The following IL7 variants were observed in gnomAD, a reference collection of about 807,000 sequenced individuals.
IL7 encodes the protein interleukin-7.
Under a neutral mutation model 21.6 loss-of-function variants are expected in IL7, and 3 were observed. The observed-to-expected ratio is 0.14, with a 90% CI of 0.06 to 0.36. IL7 has a LOEUF of 0.36. Ranked by LOEUF, IL7 falls within the 10% of genes least tolerant of loss-of-function variation. IL7 has a pLI of 1.00. For synonymous variants in IL7, 62 were observed against 68.1 expected, an observed-to-expected ratio of 0.91 and a Z score of 0.44; for missense variants, 175 against 200.2, an observed-to-expected ratio of 0.87 and a Z score of 0.76.
intron 3 of IL7, among the ~76,000 whole-genome samples, chr8:78,692,855 A>G (rs1003071656): frequency 2.6e-5 from 4 of 152,070 alleles, no homozygotes; most frequent in Non-Finnish European, 4.4e-5. Context: ...TACATGGAGT[A>G]TATCTCCTAA....
intron 3 of IL7, among the ~76,000 whole-genome samples, chr8:78,710,979 C>G (rs1810933299): frequency 6.6e-6 from 1 of 152,054 alleles, no homozygotes; most frequent in South Asian, 2.1e-4. Context: ...TTTTCAGACA[C>G]TAAACTCCAT....
chr8:78,745,361 C>T (rs1487504913), intron 2 of IL7, among the ~76,000 whole-genome samples: 1 of 152,164 alleles, frequency 6.6e-6, no homozygotes, highest in Non-Finnish European at 1.5e-5. Context: ...GGTTTTTACC[C>T]ATCCTGTCTT....
chr8:78,792,234 T>A (rs1253822293), intron 2 of IL7, among the ~76,000 whole-genome samples: 2 of 152,016 alleles, frequency 1.3e-5, no homozygotes, highest in East Asian at 1.9e-4. Context: ...TATAGCCACA[T>A]GAAAAAGAAT....
chr8:78,720,917 T>A (rs1811224902), intron 5 of IL7: 1 of 151,916 alleles, frequency 6.6e-6, no homozygotes, highest in Non-Finnish European at 1.5e-5. Context: ...CTATTCTAAT[T>A]TAACATTATC....
chr8:78,717,178 A>G, downstream of IL7: 1 of 664,678 alleles, frequency 1.5e-6, no homozygotes, highest in Non-Finnish European at 2.3e-6. Context: ...AGTATTTACT[A>G]ACAAGGATTT....
At chr8:78,804,466 G>A (rs1253299866) in intron 1 of IL7, among the ~76,000 whole-genome samples, 1 of 152,152 alleles carries the variant, frequency 6.6e-6, no homozygotes, top group Non-Finnish European at 1.5e-5. Context: ...TGGGAGCTTC[G>A]CTTTCACTTC....
chr8:78,711,884 T>A (rs749964896), intron 3 of IL7: 1 of 567,124 alleles, frequency 1.8e-6, no homozygotes, highest in Non-Finnish European at 2.8e-6. Context: ...AATTAAGGAC[T>A]TGGGGAGTAG....
At chr8:78,786,660 A>G (rs970966409) in intron 2 of IL7, among the ~76,000 whole-genome samples, 4 of 152,228 alleles carry the variant, frequency 2.6e-5, no homozygotes, top group African/African-American at 9.6e-5. Flanking sequence ...TGGTATATGC[A>G]GTCCCTCATT....
intron 2 of IL7, among the ~76,000 whole-genome samples, chr8:78,795,583 T>C (rs1418142022): frequency 6.6e-6 from 1 of 152,094 alleles, no homozygotes; most frequent in Admixed American, 6.6e-5. Flanking sequence ...GTCTGTTGGA[T>C]GAAACTCTCC....
intron 2 of IL7, among the ~76,000 whole-genome samples, chr8:78,750,997 A>T (rs970627358): frequency 2.6e-5 from 4 of 151,874 alleles, no homozygotes; most frequent in African/African-American, 9.7e-5. Context: ...TATGCCTTTG[A>T]TGGGCTCATT....
At chr8:78,735,346 T>C (rs1811552776) in intron 5 of IL7, among the ~76,000 whole-genome samples, 1 of 136,044 alleles carries the variant, frequency 7.4e-6, no homozygotes, top group Non-Finnish European at 1.5e-5. Flanking sequence ...GGAGTCCCAC[T>C]CTGTTGCCCA....
chr8:78,700,602 T>C (rs1050747742), intron 3 of IL7, among the ~76,000 whole-genome samples: 1 of 152,178 alleles, frequency 6.6e-6, no homozygotes, highest in African/African-American at 2.4e-5. Context: ...CTGAATGGTA[T>C]TGGCTAGGTT....
At chr8:78,689,192 T>C in intron 3 of IL7, 3 of 1,425,862 alleles carry the variant, frequency 2.1e-6, no homozygotes, top group Non-Finnish European at 2.8e-6. Flanking sequence ...TACTATGCTA[T>C]TAATCTGTTT....
At chr8:78,711,382 A>G (rs1483573) in intron 3 of IL7, among the ~76,000 whole-genome samples, 97,241 of 151,118 alleles carry the variant, frequency 0.64, 33,074 homozygotes, top group East Asian at 0.9. Context: ...GTGTGTGTGT[A>G]TATATAGGCC....
intron 3 of IL7, among the ~76,000 whole-genome samples, chr8:78,690,150 A>G (rs1352401583): frequency 6.6e-6 from 1 of 152,050 alleles, no homozygotes; most frequent in Non-Finnish European, 1.5e-5. Context: ...GTTCTGTTCC[A>G]TTGATTTATA....
chr8:78,799,906 G>C (rs1394537153), intron 1 of IL7, among the ~76,000 whole-genome samples: 1 of 151,798 alleles, frequency 6.6e-6, no homozygotes, highest in Non-Finnish European at 1.5e-5. Flanking sequence ...AAAATATTTT[G>C]GCAATTAAAA....
At chr8:78,752,063 T>C (rs1264754046) in intron 2 of IL7, among the ~76,000 whole-genome samples, 1 of 152,168 alleles carries the variant, frequency 6.6e-6, no homozygotes, top group East Asian at 1.9e-4. Flanking sequence ...TAATATAAAG[T>C]CCTCCAGGCT....
At chr8:78,730,719 A>G (rs979484517), downstream of IL7, among the ~76,000 whole-genome samples, 1 of 151,990 alleles carries the variant, frequency 6.6e-6, no homozygotes, top group Non-Finnish European at 1.5e-5. Flanking sequence ...TCCCCTTAGG[A>G]GCTGAAAGGA....
At chr8:78,773,231 A>G (rs1183224804) in intron 2 of IL7, among the ~76,000 whole-genome samples, 1 of 151,992 alleles carries the variant, frequency 6.6e-6, no homozygotes, top group Non-Finnish European at 1.5e-5. Flanking sequence ...ATGTCGACAT[A>G]CCCATTCACC....
Sources: allele counts gnomAD v4.1 joint callset (sites outside exome capture counted in the v4.1 genomes callset), GRCh38; gene constraint gnomAD v4.1.1; transcripts MANE v1.5; gene names NCBI Gene and HGNC (gene_info 2026-07-23, HGNC 2026-07-21).